PDZRN4: variants seen among roughly 807,000 people sequenced by gnomAD.
PDZRN4 encodes PDZ domain-containing RING finger protein 4.
A neutral mutation model predicts 99.0 loss-of-function variants in PDZRN4; 70 were observed. The observed-to-expected ratio is 0.71, with a 90% CI of 0.58 to 0.86. The LOEUF is 0.86. Among genes scored for constraint, PDZRN4 ranks in the 40% least tolerant of loss-of-function variants. The pLI, the probability that PDZRN4 is intolerant of heterozygous loss-of-function variation, is 0.00. For missense variants in PDZRN4, 1,474 were observed against 1,331.2 expected (o/e 1.11, Z -1.67); for synonymous variants, 551 against 501.6 (o/e 1.10, Z -1.32).
intron 3 of PDZRN4, among the ~76,000 whole-genome samples, chr12:41,224,589 G>A (rs188304428): frequency 3.3e-5 from 5 of 152,152 alleles, no homozygotes; most frequent in Non-Finnish European, 5.9e-5. Context: ...GAGAATTTCT[G>A]TTCTGAGAAG....
At chr12:41,233,712 C>T (rs574346530) in intron 3 of PDZRN4, among the ~76,000 whole-genome samples, 1 of 151,998 alleles carries the variant, frequency 6.6e-6, no homozygotes, top group South Asian at 2.1e-4. Flanking sequence ...ACCGCATGTT[C>T]TCACTCATAG....
At chr12:41,435,747 C>A (rs1051559757) in intron 3 of PDZRN4, among the ~76,000 whole-genome samples, 1 of 152,122 alleles carries the variant, frequency 6.6e-6, no homozygotes, top group Non-Finnish European at 1.5e-5. Flanking sequence ...AAAATGGCAC[C>A]ACTGCACTCC....
In PDZRN4 at chr12:41,572,521, C is replaced by T. The variant is rs756565487; in HGVS notation, c.1742C>T (p.Ser581Phe). 7 of 1,613,990 alleles carry T rather than the reference C, an allele frequency of 4.3e-6. No homozygotes were observed. In the Admixed American group the frequency reaches 6.7e-5, roughly 15 times the overall value. ...ENAAEDPNST[S>F]LKSKRDLGQS... The stretch of plus-strand genomic sequence containing the variant: ...GCAGCCGAGGACCCCAATAGCACAT[C>T]TTTGAAGAGCAAGAGAGACCTGGGG... Residue 581 changes from serine (S) to phenylalanine (F), a missense_variant, in exon 10 of 10, where the codon TCT becomes TTT. By Grantham distance (155) the Ser-to-Phe change is radical. Transcript: ENST00000402685.
intron 3 of PDZRN4, among the ~76,000 whole-genome samples, chr12:41,296,958 A>AAAAAAC (rs1417384891): frequency 6.6e-6 from 1 of 152,132 alleles, no homozygotes; most frequent in Non-Finnish European, 1.5e-5. Flanking sequence ...ACCCTGACTC[A>AAAAAAC]AAAAACAAAA....
chr12:41,327,919 T>C (rs1050777321), intron 3 of PDZRN4, among the ~76,000 whole-genome samples: 2 of 152,158 alleles, frequency 1.3e-5, no homozygotes, highest in South Asian at 4.1e-4. Flanking sequence ...TTCAAATATA[T>C]TTGTTTTAGT....
intron 3 of PDZRN4, among the ~76,000 whole-genome samples, chr12:41,257,099 C>T (rs1044686714): frequency 2.0e-5 from 3 of 152,196 alleles, no homozygotes; most frequent in African/African-American, 7.2e-5. Context: ...CCCAACCAAC[C>T]TATACTCCAA....
At chr12:41,453,721 G>C (rs1331515709) in intron 3 of PDZRN4, among the ~76,000 whole-genome samples, 1 of 151,928 alleles carries the variant, frequency 6.6e-6, no homozygotes, top group Non-Finnish European at 1.5e-5. Flanking sequence ...AAAATTGATG[G>C]GAGAGAACAA....
intron 3 of PDZRN4, among the ~76,000 whole-genome samples, chr12:41,318,383 T>C (rs1045133631): frequency 6.6e-6 from 1 of 152,162 alleles, no homozygotes; most frequent in Non-Finnish European, 1.5e-5. Flanking sequence ...AGAAACTACT[T>C]TTGTGTTTAG....
chr12:41,237,905 G>A (rs1951077591), intron 3 of PDZRN4, among the ~76,000 whole-genome samples: 1 of 152,102 alleles, frequency 6.6e-6, no homozygotes, highest in Non-Finnish European at 1.5e-5. Flanking sequence ...GTAGCGTGAT[G>A]CCTCCAGCTT....
chr12:41,565,074 C>G (rs1939340687), intron 8 of PDZRN4, among the ~76,000 whole-genome samples: 1 of 152,076 alleles, frequency 6.6e-6, no homozygotes, highest in Non-Finnish European at 1.5e-5. Flanking sequence ...TAACATAGAC[C>G]AGATCCTGTT....
At chr12:41,491,380 G>A (rs2120629777) in intron 3 of PDZRN4, among the ~76,000 whole-genome samples, 1 of 152,128 alleles carries the variant, frequency 6.6e-6, no homozygotes, top group East Asian at 1.9e-4. Context: ...AAATTGGACT[G>A]GTGTGGTGGT....
At position 41,474,991 on chromosome 12, in the gene PDZRN4, A is replaced by G. The variant is rs12315394; in HGVS notation, c.844-31465A>G. Among the ~76,000 whole-genome samples the G allele has an allele frequency of 5.0e-3, 765 of 152,306 alleles. 10 individuals are homozygous for G. Among genetic ancestry groups the G allele is most frequent in the African/African-American group, 0.018 (728 of 41,574 alleles). ...GGAAAATGCAAGTAGAACTATCTAG[A>G]GAATTACTGGACATAGATACCTGAA... On this transcript the variant is annotated intron_variant, in intron 3 of 9. Transcript: ENST00000402685.
At chr12:41,288,511 T>G (rs1951435439) in intron 3 of PDZRN4, among the ~76,000 whole-genome samples, 1 of 152,172 alleles carries the variant, frequency 6.6e-6, no homozygotes, top group Non-Finnish European at 1.5e-5. Context: ...GAACTGTAGT[T>G]CTTCTTTGTA....
chr12:41,472,565 T>C (rs961327842), intron 3 of PDZRN4, among the ~76,000 whole-genome samples: 5 of 152,348 alleles, frequency 3.3e-5, no homozygotes, highest in Non-Finnish European at 5.9e-5. Flanking sequence ...TATAGTCTGA[T>C]GTTTGATCTA....
intron 3 of PDZRN4, among the ~76,000 whole-genome samples, chr12:41,241,768 A>G (rs762551120): frequency 2.6e-5 from 4 of 152,084 alleles, no homozygotes; most frequent in Non-Finnish European, 4.4e-5. Context: ...TCATGGTTTT[A>G]TTATGATCAC....
At chr12:41,274,786 C>A (rs1328489515) in intron 3 of PDZRN4, among the ~76,000 whole-genome samples, 1 of 152,148 alleles carries the variant, frequency 6.6e-6, no homozygotes, top group Non-Finnish European at 1.5e-5. Context: ...ATGAAGTATA[C>A]ACCCTTGAAA....
chr12:41,328,749 A>G (rs1951725404), intron 3 of PDZRN4, among the ~76,000 whole-genome samples: 1 of 152,148 alleles, frequency 6.6e-6, no homozygotes, highest in African/African-American at 2.4e-5. Context: ...AGAAAAGGAT[A>G]ACATGTATCT....
chr12:41,390,524 A>G (rs1041798622), intron 3 of PDZRN4, among the ~76,000 whole-genome samples: 1 of 135,710 alleles, frequency 7.4e-6, no homozygotes, highest in African/African-American at 2.8e-5. Context: ...GTAAAATACT[A>G]TTTTCACCTG....
chr12:41,347,844 C>A (rs748478339), intron 3 of PDZRN4, among the ~76,000 whole-genome samples: 1 of 152,076 alleles, frequency 6.6e-6, no homozygotes, highest in Non-Finnish European at 1.5e-5. Flanking sequence ...AGACCTAATT[C>A]TTTCTGGTTT....
Sources: gnomAD v4.1 joint callset for allele counts (sites outside exome capture counted in the v4.1 genomes callset) on GRCh38, gnomAD v4.1.1 for gene constraint, MANE v1.5 for transcripts, NCBI Gene and HGNC (gene_info 2026-07-23, HGNC 2026-07-21) for gene names.